Variants in EYS observed in about 807,000 individuals in gnomAD.
EYS encodes protein eyes shut homolog.
Under a neutral mutation model 282.1 loss-of-function variants are expected in EYS, and 250 were observed. The ratio of observed to expected loss-of-function variants is 0.89; its 90% CI spans 0.80 to 0.98. The LOEUF (loss-of-function observed/expected upper bound fraction) is 0.98. EYS is among the 50% of genes least tolerant of loss of function. EYS has a pLI of 0.00. For missense variants in EYS, 4,016 were observed against 3,709.0 expected, an observed-to-expected ratio of 1.08 and a Z score of -2.15; for synonymous variants, 1,355 against 1,282.9, an observed-to-expected ratio of 1.06 and a Z score of -1.20.
rs1016588935 is a variant in EYS at position 63,785,080 on chromosome 6, G to A, written c.7723+3025C>T. Among the ~76,000 whole-genome samples, 8 of 152,250 alleles carry A rather than the reference G, an allele frequency of 5.3e-5. No individual in the cohort carries two copies. The South Asian group carries it at 1.0e-3, about 20-fold the overall frequency. ...CAGTGATGCTGATATTGCTGACCCA[G>A]GGACCACATTTTGAGAACCACTGTA... On this transcript the variant is annotated intron_variant, in intron 39 of 42. Transcript: ENST00000503581.
intron 31 of EYS, among the ~76,000 whole-genome samples, chr6:64,162,950 G>T (rs866241879): frequency 6.6e-6 from 1 of 152,108 alleles, no homozygotes; most frequent in African/African-American, 2.4e-5. Context: ...TTTAGTGAGT[G>T]CTGTTCTGTG....
Position 64,306,973 on chromosome 6 carries a change from C to T in EYS, c.6188G>A (p.Cys2063Tyr). Residue 2063 changes from cysteine to tyrosine, a missense_variant, in exon 30 of 43, where the codon TGC becomes TAC. Physicochemically the swap from Cys to Tyr is radical, Grantham distance 194. Coordinates refer to ENST00000503581, the MANE Select transcript of EYS (RefSeq NM_001142800.2). ...AAAATCACTACTGCTATTTTACCTGCAATTGTTAATGTGATAGTTTTTCAC... is the reference window on the plus strand; with the variant it reads ...AAAATCACTACTGCTATTTTACCTGTAATTGTTAATGTGATAGTTTTTCAC... ...KAVKNYHINN[C>Y]RSQGFMLSPT... 1 of 1,433,230 alleles carries T rather than the reference C, an allele frequency of 7.0e-7. No individual in the cohort carries two copies. The highest frequency in any genetic ancestry group is 9.6e-7 in the Non-Finnish European group (1 of 1,042,382). The allele number at this position is 1,433,230 out of a possible 1,614,324, so 88.8% of individuals were successfully genotyped here. A position where few individuals can be genotyped will look rare whatever the true frequency, so the allele number is the denominator to read the frequency against.
chr6:64,568,930 C>G (rs1322439301), intron 26 of EYS, among the ~76,000 whole-genome samples: 1 of 147,698 alleles, frequency 6.8e-6, no homozygotes, highest in Non-Finnish European at 1.5e-5. Flanking sequence ...AAAGGAATAG[C>G]ATCAACATCA....
intron 31 of EYS, among the ~76,000 whole-genome samples, chr6:64,091,637 C>A (rs1772365361): frequency 6.6e-6 from 1 of 152,140 alleles, no homozygotes. Context: ...CTGGGTGGAT[C>A]AGGCACTGAG....
chr6:65,191,279 C>T (rs1196687309), intron 12 of EYS, among the ~76,000 whole-genome samples: 1 of 151,702 alleles, frequency 6.6e-6, no homozygotes, highest in African/African-American at 2.4e-5. Flanking sequence ...ATAACACCTA[C>T]CTGCTAAAGA....
intron 19 of EYS, among the ~76,000 whole-genome samples, chr6:64,851,493 T>G (rs1765883908): frequency 6.6e-6 from 1 of 152,130 alleles, no homozygotes; most frequent in Non-Finnish European, 1.5e-5. Context: ...TGGGACTTAT[T>G]GATTTGATGT....
At chr6:64,346,874 C>G (rs112528422) in intron 29 of EYS, among the ~76,000 whole-genome samples, 1 of 151,330 alleles carries the variant, frequency 6.6e-6, no homozygotes, top group Non-Finnish European at 1.5e-5. Context: ...AAAACCTACA[C>G]TTCTAAATTT....
intron 35 of EYS, among the ~76,000 whole-genome samples, chr6:63,894,420 G>A (rs1420345480): frequency 6.6e-6 from 1 of 152,110 alleles, no homozygotes; most frequent in Non-Finnish European, 1.5e-5. Flanking sequence ...TAGGAGTCAA[G>A]GAACACTGAG....
chr6:64,004,491 G>A (rs1768246884), intron 33 of EYS, among the ~76,000 whole-genome samples: 3 of 151,640 alleles, frequency 2.0e-5, no homozygotes, highest in Admixed American at 2.0e-4. Flanking sequence ...TAGGTTCAGG[G>A]GTACCTGTTG....
At chr6:63,852,295 G>A (rs1186164786) in intron 36 of EYS, among the ~76,000 whole-genome samples, 2 of 151,650 alleles carry the variant, frequency 1.3e-5, no homozygotes, top group Non-Finnish European at 2.9e-5. Flanking sequence ...TGAGAAAGGG[G>A]AGATCACCAC....
intron 1 of EYS, among the ~76,000 whole-genome samples, chr6:65,672,205 G>A (rs187014668): frequency 6.6e-6 from 1 of 152,194 alleles, no homozygotes; most frequent in South Asian, 2.1e-4. Flanking sequence ...CTTTCGGGAG[G>A]AGCTGCCTGA....
intron 15 of EYS, among the ~76,000 whole-genome samples, chr6:64,930,238 C>T (rs915367260): frequency 1.8e-4 from 28 of 151,504 alleles, no homozygotes; most frequent in African/African-American, 6.3e-4. Context: ...TTAAAAATTC[C>T]CTGTGTCTGT....
At chr6:64,854,524 T>C (rs1362616656) in intron 19 of EYS, among the ~76,000 whole-genome samples, 1 of 138,310 alleles carries the variant, frequency 7.2e-6, no homozygotes, top group Non-Finnish European at 1.5e-5. Context: ...TTCTCACTCA[T>C]AGGTGGGAAT....
At chr6:64,096,278 C>T (rs961586363) in intron 31 of EYS, among the ~76,000 whole-genome samples, 2 of 152,086 alleles carry the variant, frequency 1.3e-5, no homozygotes, top group African/African-American at 4.8e-5. Context: ...TCTGTATTTC[C>T]TGAATTTGAA....
intron 35 of EYS, among the ~76,000 whole-genome samples, chr6:63,871,970 C>T (rs1045292843): frequency 9.2e-5 from 14 of 152,184 alleles, no homozygotes; most frequent in African/African-American, 3.4e-4. Context: ...GCCCATGACC[C>T]ACCCAACTTT....
chr6:65,274,994 C>A (rs1363578727), intron 12 of EYS, among the ~76,000 whole-genome samples: 1 of 151,836 alleles, frequency 6.6e-6, no homozygotes, highest in African/African-American at 2.4e-5. Context: ...TGGGTATTCC[C>A]ATTTACCTAG....
intron 33 of EYS, among the ~76,000 whole-genome samples, chr6:64,040,706 A>T (rs1015314822): frequency 6.6e-6 from 1 of 152,230 alleles, no homozygotes; most frequent in Non-Finnish European, 1.5e-5. Context: ...ACTGATTTAC[A>T]CATTGTCTAT....
At chr6:64,594,574 A>G (rs1234836659) in intron 24 of EYS, among the ~76,000 whole-genome samples, 1 of 151,782 alleles carries the variant, frequency 6.6e-6, no homozygotes, top group Non-Finnish European at 1.5e-5. Context: ...CATCATTCTC[A>G]GCAAACTATC....
At chr6:63,907,274 T>G (rs187674236) in intron 35 of EYS, among the ~76,000 whole-genome samples, 16 of 152,276 alleles carry the variant, frequency 1.1e-4, no homozygotes, top group Non-Finnish European at 1.0e-4. Flanking sequence ...GGCCTATACC[T>G]CTCCTTTGGC....
Sources: allele counts gnomAD v4.1 joint callset (sites outside exome capture counted in the v4.1 genomes callset), GRCh38; gene constraint gnomAD v4.1.1; transcripts MANE v1.5; gene names NCBI Gene and HGNC (gene_info 2026-07-23, HGNC 2026-07-21).